The following PRICKLE2 variants were observed in gnomAD, a reference collection of about 807,000 sequenced individuals.
The protein encoded by PRICKLE2 is prickle-like protein 2.
PRICKLE2 carries 21 observed loss-of-function variants against 81.4 expected under a neutral mutation model. The observed-to-expected ratio is 0.26, with a 90% CI of 0.18 to 0.37. The LOEUF is 0.37. Among genes scored for constraint, PRICKLE2 ranks in the 10% least tolerant of loss-of-function variants. PRICKLE2 has a pLI of 1.00. For synonymous variants in PRICKLE2, 456 were observed against 421.5 expected (o/e 1.08, Z -1.00); for missense variants, 940 against 1,109.0 (o/e 0.85, Z 2.16).
chr3:64,266,488 C>T (rs1338014504), intron 2 of PRICKLE2, among the ~76,000 whole-genome samples: 1 of 152,142 alleles, frequency 6.6e-6, no homozygotes, highest in African/African-American at 2.4e-5. Context: ...TTATATGCCT[C>T]CCTAACCCCC....
chr3:64,236,555 G>T lies in PRICKLE2; in HGVS notation c.129-37588C>A, dbSNP rs181485002. 3.3e-5 allele frequency among the ~76,000 whole-genome samples: 5 copies of T among 152,300 alleles called. No individual in the cohort carries two copies. The South Asian group carries it at 1.0e-3, about 32-fold the overall frequency. ...CAGCTTACATATCCCTCAAACCATTGAACTGGATCCTAGCTCTGTTCCTTC... is the reference window on the plus strand; with the variant it reads ...CAGCTTACATATCCCTCAAACCATTTAACTGGATCCTAGCTCTGTTCCTTC... On this transcript the variant is annotated intron_variant, in intron 2 of 8. Transcript: ENST00000295902.
At chr3:64,160,934 T>A (rs567322756) in intron 3 of PRICKLE2, among the ~76,000 whole-genome samples, 2 of 149,172 alleles carry the variant, frequency 1.3e-5, no homozygotes, top group Non-Finnish European at 3.0e-5. Context: ...AAAACCAATA[T>A]CACCCGTAAA....
intron 2 of PRICKLE2, among the ~76,000 whole-genome samples, chr3:64,237,579 G>A (rs140692719): frequency 7.2e-5 from 11 of 152,212 alleles, no homozygotes; most frequent in Non-Finnish European, 1.3e-4. Context: ...TCTGCCAGTG[G>A]AGCCTGGGGT....
intron 1 of PRICKLE2, among the ~76,000 whole-genome samples, chr3:64,210,296 T>G (rs1290232821): frequency 6.6e-6 from 1 of 152,186 alleles, no homozygotes; most frequent in Non-Finnish European, 1.5e-5. Flanking sequence ...CACAATACTT[T>G]GTTTTTCCCC....
intron 2 of PRICKLE2, among the ~76,000 whole-genome samples, chr3:64,236,307 A>G (rs2079179032): frequency 6.6e-6 from 1 of 152,156 alleles, no homozygotes; most frequent in South Asian, 2.1e-4. Flanking sequence ...GTAGGTCCTC[A>G]ATAAATATGG....
chr3:64,165,999 T>G, intron 2 of PRICKLE2, among the ~76,000 whole-genome samples: 1 of 92,586 alleles, frequency 1.1e-5, no homozygotes, highest in South Asian at 4.0e-4. Context: ...TGTGTGTGTG[T>G]GTGTGTGTGT....
intron 7 of PRICKLE2, among the ~76,000 whole-genome samples, chr3:64,120,186 T>C (rs2077003212): frequency 6.6e-6 from 1 of 152,296 alleles, no homozygotes; most frequent in Non-Finnish European, 1.5e-5. Flanking sequence ...CCTGCACATG[T>C]ACCCCCTGAA....
chr3:64,232,586 C>CA (rs2079121258), intron 2 of PRICKLE2, among the ~76,000 whole-genome samples: 2 of 144,572 alleles, frequency 1.4e-5, no homozygotes, highest in Non-Finnish European at 3.1e-5. Context: ...TCATCTCCTT[C>CA]AGAGCTTAAT....
chr3:64,248,480 C>T (rs1243205705), intron 2 of PRICKLE2, among the ~76,000 whole-genome samples: 1 of 152,106 alleles, frequency 6.6e-6, no homozygotes, highest in African/African-American at 2.4e-5. Context: ...TTAAAGTCCA[C>T]CTCTTAAACC....
intron 7 of PRICKLE2, among the ~76,000 whole-genome samples, chr3:64,108,532 G>A (rs1468500559): frequency 1.3e-5 from 2 of 152,074 alleles, no homozygotes; most frequent in Non-Finnish European, 2.9e-5. Context: ...GCTGGGGGTG[G>A]GGACAGAAAG....
chr3:64,236,569 C>A (rs2107166305), intron 2 of PRICKLE2, among the ~76,000 whole-genome samples: 1 of 152,338 alleles, frequency 6.6e-6, no homozygotes, highest in East Asian at 1.9e-4. Context: ...TGGATCCTAG[C>A]TCTGTTCCTT....
At chr3:64,263,745 A>C (rs2079650991) in intron 2 of PRICKLE2, among the ~76,000 whole-genome samples, 1 of 152,164 alleles carries the variant, frequency 6.6e-6, no homozygotes, top group African/African-American at 2.4e-5. Context: ...TAACTGTCTT[A>C]AGAATTCCAA....
chr3:64,260,919 A>C (rs969990115), intron 2 of PRICKLE2, among the ~76,000 whole-genome samples: 2 of 152,136 alleles, frequency 1.3e-5, no homozygotes, highest in South Asian at 2.1e-4. Context: ...GATCTTAAAA[A>C]CTTTTGGATC....
At chr3:64,141,420 C>T (rs561481862) in intron 7 of PRICKLE2, among the ~76,000 whole-genome samples, 81 of 152,306 alleles carry the variant, frequency 5.3e-4, no homozygotes, top group Admixed American at 1.6e-3. Context: ...ATGGAAAGTA[C>T]TTAGAAAAAC....
Position 64,224,985 on chromosome 3 carries a change from C to T in PRICKLE2, c.-116G>A. ...TTGGAGCTTGTCAATTGTCCCAGTT[C>T]ACTTTCTCCCTGGATCTGACTTCTA... On this transcript the variant is annotated 5_prime_UTR_variant, in exon 1 of 8. Coordinates refer to ENST00000638394, the MANE Select transcript of PRICKLE2 (RefSeq NM_198859.4). The T allele has an allele frequency of 1.0e-6, 1 of 985,422 alleles. No individual in the cohort carries two copies. The highest frequency in any genetic ancestry group is 1.2e-6 in the Non-Finnish European group (1 of 829,990). 61.0% of individuals were successfully genotyped at this position (985,422 alleles called of 1,614,324 possible).
At chr3:64,137,925 T>G (rs1449242182) in intron 7 of PRICKLE2, among the ~76,000 whole-genome samples, 1 of 152,084 alleles carries the variant, frequency 6.6e-6, no homozygotes, top group Non-Finnish European at 1.5e-5. Flanking sequence ...CTGGGCTCCA[T>G]CTAATCTCTC....
intron 2 of PRICKLE2, among the ~76,000 whole-genome samples, chr3:64,237,400 A>T (rs906473082): frequency 1.3e-5 from 2 of 152,046 alleles, no homozygotes; most frequent in African/African-American, 4.8e-5. Context: ...AAGGGGATTG[A>T]GTGGGAAGGT....
intron 2 of PRICKLE2, among the ~76,000 whole-genome samples, chr3:64,167,444 A>T (rs994853785): frequency 2.0e-5 from 3 of 152,234 alleles, no homozygotes; most frequent in Admixed American, 6.5e-5. Flanking sequence ...TTTTGAACAC[A>T]ATAAACTGGC....
chr3:64,199,035 G>T (rs2078517706), intron 1 of PRICKLE2, 68 bp from the exon 2 acceptor site: 1 of 1,438,816 alleles, frequency 7.0e-7, no homozygotes, highest in African/African-American at 1.4e-5. Flanking sequence ...GAGCCTGCCA[G>T]TCACTAGCCC....
Sources: gnomAD v4.1 joint callset for allele counts (sites outside exome capture counted in the v4.1 genomes callset) on GRCh38, gnomAD v4.1.1 for gene constraint, MANE v1.5 for transcripts, NCBI Gene and HGNC (gene_info 2026-07-23, HGNC 2026-07-21) for gene names.